Variants in ZNF687 observed in about 807,000 individuals in gnomAD.
The protein encoded by ZNF687 is zinc finger protein 687.
ZNF687 carries 13 observed loss-of-function variants against 71.8 expected under a neutral mutation model. The observed-to-expected ratio is 0.18, with a 90% CI of 0.12 to 0.29. ZNF687 has a LOEUF of 0.29. Among genes scored for constraint, ZNF687 ranks in the 10% least tolerant of loss-of-function variants. ZNF687 has a pLI of 1.00. For synonymous variants in ZNF687, 673 were observed against 641.6 expected (o/e 1.05, Z -0.74); for missense variants, 1,412 against 1,625.6 (o/e 0.87, Z 2.26).
chr1:151,286,759 C>G lies in ZNF687; in HGVS notation c.468C>G (p.Gly156=). Residue 156 remains glycine, a synonymous_variant, in exon 2 of 9, where the codon GGC becomes GGG. Coordinates refer to ENST00000336715, the MANE Select transcript of ZNF687 (RefSeq NM_020832.3). The stretch of plus-strand genomic sequence containing the variant: ...CCTGGAAAGAAAAAGGCATGGAAGG[C>G]AAAACTCCCTTGGACCTGTTTGCTC... ...GGTWKEKGME[G]KTPLDLFAHF... 1.2e-6 allele frequency: 2 copies of G among 1,614,232 alleles called. No homozygotes were observed.
chr1:151,288,847 C>A lies in ZNF687; in HGVS notation c.2294+141C>A, dbSNP rs77736728. ...TGCCAGACTCAACCCTGAGATAGTA[C>A]GTCCTGCCTTCCCGTCGTCCCCCAT... is the stretch of plus-strand genomic sequence containing the variant. On this transcript the variant is annotated intron_variant, in intron 3 of 8. Coordinates refer to ENST00000336715, the MANE Select transcript of ZNF687 (RefSeq NM_020832.3). The A allele has an allele frequency of 6.1e-3, 6,951 of 1,139,642 alleles. 40 individuals are homozygous for A. Among genetic ancestry groups the A allele is most frequent in the Middle Eastern group, 9.5e-3 (35 of 3,674 alleles). The allele number at this position is 1,139,642 out of a possible 1,614,324, so 70.6% of individuals were successfully genotyped here.
intron 1 of ZNF687, 151 bp from the exon 2 acceptor site, chr1:151,286,124 C>A: frequency 1.7e-6 from 1 of 583,140 alleles, no homozygotes; most frequent in Non-Finnish European, 2.9e-6. Flanking sequence ...AACCTAGCAG[C>A]TCTGTAGGAT....
rs956655376 is a variant in ZNF687 at position 151,282,315 on chromosome 1, C to A, written c.-98C>A. ...GAGAGAAGCAGGAAGTAGCGGCGGCCGCGGGGAGGGCGGCGGTGGCTGCAG... is the reference window on the plus strand; with the variant it reads ...GAGAGAAGCAGGAAGTAGCGGCGGCAGCGGGGAGGGCGGCGGTGGCTGCAG... On this transcript the variant is annotated 5_prime_UTR_variant, in exon 1 of 9. Coordinates refer to ENST00000336715, the MANE Select transcript of ZNF687 (RefSeq NM_020832.3). 4.0e-6 allele frequency: 4 copies of A among 998,656 alleles called. No individual in the cohort carries two copies. The African/African-American group carries it at 5.2e-5, about 13-fold the overall frequency. 61.9% of individuals were successfully genotyped at this position (998,656 alleles called of 1,614,324 possible). A position where few individuals can be genotyped will look rare whatever the true frequency, so the allele number is the denominator to read the frequency against.
In ZNF687 at chr1:151,282,312, G is replaced by A; in HGVS notation, c.-101G>A. The A allele has an allele frequency of 2.0e-6, 2 of 1,001,150 alleles. No homozygotes were observed. The highest frequency in any genetic ancestry group is 2.4e-6 in the Non-Finnish European group (2 of 837,336). The allele number at this position is 1,001,150 out of a possible 1,614,324, so 62.0% of individuals were successfully genotyped here. On this transcript the variant is annotated 5_prime_UTR_variant, in exon 1 of 9. Transcript: ENST00000336715. ...CCGGAGAGAAGCAGGAAGTAGCGGCGGCCGCGGGGAGGGCGGCGGTGGCTG... is the reference window on the plus strand; with the variant it reads ...CCGGAGAGAAGCAGGAAGTAGCGGCAGCCGCGGGGAGGGCGGCGGTGGCTG...
In ZNF687 at chr1:151,289,664, G is replaced by A. The variant is rs774552702; in HGVS notation, c.2635-14G>A. The A allele has an allele frequency of 1.9e-6, 3 of 1,583,156 alleles. No homozygotes were observed. The African/African-American group carries it at 4.1e-5, about 21-fold the overall frequency. On this transcript the variant is annotated splice_polypyrimidine_tract_variant and intron_variant, in intron 5 of 8. Transcript: ENST00000336715. ...CTCCCCCACAACAGCAACCTCCCTT[G>A]TCTCCTCTCACAGAACACCCATCAG...
At chr1:151,281,831 C>T (rs1324002213), upstream of ZNF687, 9 of 371,614 alleles carry the variant, frequency 2.4e-5, no homozygotes, top group Non-Finnish European at 3.3e-5. Flanking sequence ...CACTCCGACT[C>T]AATGCGGTTC....
Position 151,288,522 on chromosome 1 carries a change from C to A in ZNF687, c.2116-6C>A. On this transcript the variant is annotated splice_region_variant and splice_polypyrimidine_tract_variant and intron_variant, in intron 2 of 8. Coordinates refer to ENST00000336715, the MANE Select transcript of ZNF687 (RefSeq NM_020832.3). ...ACCGACTTTCCTTGTTTAACCCACTCGACAGGTGTGCCCAACCTGCCCCAT... is the reference window on the plus strand; with the variant it reads ...ACCGACTTTCCTTGTTTAACCCACTAGACAGGTGTGCCCAACCTGCCCCAT... 1 of 1,597,350 alleles carries A rather than the reference C, an allele frequency of 6.3e-7. No homozygotes were observed.
chr1:151,284,777 A>G (rs907812200), intron 1 of ZNF687, among the ~76,000 whole-genome samples: 1 of 140,092 alleles, frequency 7.1e-6, no homozygotes, highest in African/African-American at 2.7e-5. Flanking sequence ...TACATAGATC[A>G]CTTGTGCTCT....
Position 151,286,536 on chromosome 1 carries a change from T to A in ZNF687, c.245T>A (p.Val82Asp). ...CTGCCACCGCCAGACATTTCTGTAG[T>A]CAGTGTCATTGTCAAGAACACTGTG... ...HGLPPPDISVVSVIVKNTVCP... is the reference protein window; with the variant it reads ...HGLPPPDISVDSVIVKNTVCP... The change falls in exon 2 of 9, where the codon GTC (valine) becomes GAC (aspartate). Residue 82 changes from valine (V) to aspartate (D), a missense_variant. By Grantham distance (152) the Val-to-Asp change is radical. Around this residue, in one of 8 missense-constraint regions of ZNF687, gnomAD observed 490 missense variants for 489.9 expected, o/e 1.00. Transcript: ENST00000336715. 2 of 1,614,186 alleles carry A rather than the reference T, an allele frequency of 1.2e-6. No homozygotes were observed. Among genetic ancestry groups the A allele is most frequent in the Non-Finnish European group, 1.7e-6 (2 of 1,180,030 alleles).
chr1:151,283,240 G>A, intron 1 of ZNF687: 1 of 985,444 alleles, frequency 1.0e-6, no homozygotes, highest in African/African-American at 1.7e-5. Flanking sequence ...AATTCCGTCT[G>A]CTACCCAGCT....
chr1:151,288,822 T>C, intron 3 of ZNF687, 116 bp downstream of exon 3: 1 of 1,310,424 alleles, frequency 7.6e-7, no homozygotes, highest in African/African-American at 1.5e-5. Context: ...CCTGTTGTTT[T>C]GCCAGACTCA....
rs1693975553 is a variant in ZNF687 at position 151,286,994 on chromosome 1, G to A, written c.703G>A (p.Ala235Thr). The change falls in exon 2 of 9, where the codon GCC (alanine) becomes ACC (threonine). Residue 235 changes from alanine (A) to threonine (T), a missense_variant. Ala to Thr is a moderately conservative substitution (Grantham distance 58). Coordinates refer to ENST00000336715, the MANE Select transcript of ZNF687 (RefSeq NM_020832.3). ...SCSPHHPQVLAQQGSGSSPKA... is the reference protein window; with the variant it reads ...SCSPHHPQVLTQQGSGSSPKA... ...CAGCCCCCATCATCCCCAGGTCCTAGCCCAACAAGGCTCAGGCTCCAGCCC... is the reference window on the plus strand; with the variant it reads ...CAGCCCCCATCATCCCCAGGTCCTAACCCAACAAGGCTCAGGCTCCAGCCC... 1.9e-6 allele frequency: 3 copies of A among 1,601,986 alleles called. No individual in the cohort carries two copies. The highest frequency in any genetic ancestry group is 1.1e-5 in the South Asian group (1 of 89,918).
chr1:151,284,802 CTTTTTTTT>C (rs869269504), intron 1 of ZNF687, among the ~76,000 whole-genome samples: 25 of 56,434 alleles, frequency 4.4e-4, no homozygotes, highest in African/African-American at 8.9e-4. Flanking sequence ...CTTGTCTTGT[CTTTTTTTT>C]TTTTTTTTTT....
intron 1 of ZNF687, chr1:151,285,614 A>T (rs587702098): frequency 6.6e-6 from 1 of 152,132 alleles, no homozygotes; most frequent in Non-Finnish European, 1.5e-5. Flanking sequence ...GGGTTTCACT[A>T]TCTTGGCCAG....
At chr1:151,283,797 G>T (rs1693833547) in intron 1 of ZNF687, 2 of 984,500 alleles carry the variant, frequency 2.0e-6, no homozygotes, top group Non-Finnish European at 2.4e-6. Context: ...CTTTGGTTTT[G>T]CCCCCACCCC....
In ZNF687 at chr1:151,288,455, G is replaced by T. The variant is rs75819299; in HGVS notation, c.2115+49G>T. ...CTGTGGGGACAGGATCTAGGAAGGC[G>T]TTGGGGGCTTGGTTAGAAGTAATGG... On this transcript the variant is annotated intron_variant, in intron 2 of 8. Coordinates refer to ENST00000336715, the MANE Select transcript of ZNF687 (RefSeq NM_020832.3). 4.4e-6 allele frequency: 7 copies of T among 1,582,716 alleles called. No individual in the cohort carries two copies. In the Middle Eastern group the frequency reaches 6.8e-4, roughly 153 times the overall value.
In ZNF687 at chr1:151,288,147, T is replaced by C; in HGVS notation, c.1856T>C (p.Val619Ala). The stretch of plus-strand genomic sequence containing the variant: ...CCGGACATCACACCGCTGCTGCCTG[T>C]AGCTGTCCCACCTGTCTCTGGACCT... ...GQPDITPLLP[V>A]AVPPVSGPLA... Residue 619 changes from valine (V) to alanine (A), a missense_variant, in exon 2 of 9, where the codon GTA (valine) becomes GCA (alanine). Val to Ala is a moderately conservative substitution (Grantham distance 64). This residue lies in a region of ZNF687 where 207 missense variants were observed against 239.2 expected (regional missense o/e 0.87). Transcript: ENST00000336715. The C allele has an allele frequency of 1.2e-6, 2 of 1,613,894 alleles. No homozygotes were observed. The highest frequency in any genetic ancestry group is 1.3e-5 in the African/African-American group (1 of 75,044).
At chr1:151,290,391 G>A (rs754690044) in intron 7 of ZNF687, 41 bp from the exon 8 acceptor site, 18 of 1,613,268 alleles carry the variant, frequency 1.1e-5, no homozygotes, top group South Asian at 6.6e-5. Flanking sequence ...CCTGGCCTTC[G>A]GGCTGTGCCG....
rs777320654 is a variant in ZNF687, at chr1:151,287,453, G to C, written c.1162G>C (p.Val388Leu). ...PTSEGPKVVS[V>L]QLGDGTRLKG... ...TTCTGAGGGTCCAAAGGTGGTGAGC[G>C]TACAGTTGGGTGATGGTACAAGGCT... Residue 388 changes from valine to leucine, a missense_variant, in exon 2 of 9, where the codon GTA (valine) becomes CTA (leucine). Transcript: ENST00000336715. This position sits in a 1 kb window ranked among gnomAD's most constrained non-coding sequence, Gnocchi z 5.0. The C allele has an allele frequency of 4.3e-6, 7 of 1,614,174 alleles. No homozygotes were observed. Among genetic ancestry groups the C allele is most frequent in the African/African-American group, 1.3e-5 (1 of 75,058 alleles).
Sources: gnomAD v4.1 joint callset for allele counts (sites outside exome capture counted in the v4.1 genomes callset) on GRCh38, gnomAD v4.1.1 for gene constraint, gnomAD v4.1.1 regional missense constraint, Gnocchi (gnomAD v3.1) non-coding constraint, MANE v1.5 for transcripts, NCBI Gene and HGNC (gene_info 2026-07-23, HGNC 2026-07-21) for gene names.